The following GPM6A variants were observed in gnomAD, a reference collection of about 807,000 sequenced individuals.
GPM6A encodes neuronal membrane glycoprotein M6-a.
A neutral mutation model predicts 32.1 loss-of-function variants in GPM6A; 7 were observed. That is an observed-to-expected ratio of 0.22 (90% CI 0.12 to 0.41). GPM6A has a LOEUF of 0.41. GPM6A is among the 10% of genes least tolerant of loss of function. The pLI is 1.00. For synonymous variants in GPM6A, 130 were observed against 123.4 expected (o/e 1.05, Z -0.35); for missense variants, 235 against 347.2 (o/e 0.68, Z 2.57).
At position 175,711,433 on chromosome 4, in the gene GPM6A, TATATATATATATATATATATATATAC is replaced by T. The variant is rs1330823441; in HGVS notation, c.38-9692_38-9667del. Among the ~76,000 whole-genome samples the T allele has an allele frequency of 9.7e-3, 801 of 82,858 alleles. 36 individuals carry two copies. The highest frequency in any genetic ancestry group is 0.034 in the Middle Eastern group (7 of 208). The allele number at this position is 82,858 out of a possible 152,430, so 54.4% of individuals were successfully genotyped here. On this transcript the variant is annotated intron_variant, in intron 1 of 6. Transcript: ENST00000393658. Reference sequence around the variant, plus strand: ...AAATATATATATATATATATATATATATATATATATATATATATATATATACACACACATACATACATGTATATATA... The same window carrying T: ...AAATATATATATATATATATATATATACACACATACATACATGTATATATA...
chr4:175,746,425 T>C (rs1732106566), intron 1 of GPM6A, among the ~76,000 whole-genome samples: 2 of 152,306 alleles, frequency 1.3e-5, no homozygotes, highest in Admixed American at 1.3e-4. Context: ...CAAAATTATG[T>C]TCAATTATTC....
intron 2 of GPM6A, among the ~76,000 whole-genome samples, chr4:175,678,218 ATCT>A (rs886236322): frequency 5.9e-5 from 9 of 152,132 alleles, no homozygotes; most frequent in African/African-American, 1.9e-4. Flanking sequence ...AAGAGAAAGA[ATCT>A]TCTGGGAGTA....
intron 2 of GPM6A, among the ~76,000 whole-genome samples, chr4:175,689,052 C>T (rs181146365): frequency 2.5e-3 from 385 of 152,124 alleles, no homozygotes; most frequent in African/African-American, 8.8e-3. Flanking sequence ...ATAGGGATTA[C>T]GAACGCACTG....
chr4:175,909,112 GA>G (rs199707196), intron 1 of GPM6A, among the ~76,000 whole-genome samples: 67 of 143,836 alleles, frequency 4.7e-4, no homozygotes, highest in African/African-American at 1.5e-3. Context: ...GTAACTGAAA[GA>G]AAAAAAATGC....
chr4:175,807,579 A>G (rs1734743695), intron 1 of GPM6A: 1 of 152,240 alleles, frequency 6.6e-6, no homozygotes, highest in African/African-American at 2.4e-5. Context: ...AAGAAGGCCA[A>G]TTGAACCAAT....
intron 3 of GPM6A, among the ~76,000 whole-genome samples, chr4:175,656,065 C>A (rs1413107838): frequency 6.6e-6 from 1 of 152,032 alleles, no homozygotes; most frequent in Non-Finnish European, 1.5e-5. Context: ...AAGATAAGTT[C>A]TGTAGAAATT....
intron 1 of GPM6A, chr4:175,906,553 A>C (rs1738137019): frequency 6.6e-6 from 1 of 152,182 alleles, no homozygotes; most frequent in African/African-American, 2.4e-5. Context: ...ATTCAGACAC[A>C]CAGCTCTGTT....
At chr4:175,686,896 G>A (rs928682226) in intron 2 of GPM6A, among the ~76,000 whole-genome samples, 1 of 152,212 alleles carries the variant, frequency 6.6e-6, no homozygotes, top group Non-Finnish European at 1.5e-5. Flanking sequence ...CACACAAGTT[G>A]CTAGAGTATG....
At chr4:175,841,343 T>C (rs764196375) in intron 1 of GPM6A, among the ~76,000 whole-genome samples, 4 of 152,190 alleles carry the variant, frequency 2.6e-5, no homozygotes, top group Admixed American at 6.5e-5. Flanking sequence ...ATCTTTGTTT[T>C]TAGAACCAGG....
intron 1 of GPM6A, among the ~76,000 whole-genome samples, chr4:175,729,651 T>A (rs919245649): frequency 4.0e-5 from 6 of 151,650 alleles, no homozygotes; most frequent in Non-Finnish European, 7.4e-5. Context: ...ATACCCTACT[T>A]ACTTGATGTG....
At chr4:175,753,096 T>C (rs1732400448) in intron 1 of GPM6A, among the ~76,000 whole-genome samples, 2 of 152,184 alleles carry the variant, frequency 1.3e-5, no homozygotes, top group Admixed American at 1.3e-4. Flanking sequence ...TGCAACTTTA[T>C]CGTTTTGTCT....
chr4:175,998,279 G>T (rs1481382426), intron 1 of GPM6A, among the ~76,000 whole-genome samples: 1 of 151,874 alleles, frequency 6.6e-6, no homozygotes, highest in Non-Finnish European at 1.5e-5. Context: ...TCAGCTTCCC[G>T]AGTAGCTGGG....
chr4:175,767,721 C>T (rs569783997), intron 1 of GPM6A, among the ~76,000 whole-genome samples: 2 of 152,248 alleles, frequency 1.3e-5, no homozygotes, highest in East Asian at 3.9e-4. Context: ...GTCTGCATTC[C>T]ATTACTAGCT....
intron 1 of GPM6A, among the ~76,000 whole-genome samples, chr4:175,981,740 A>T (rs912447664): frequency 2.0e-5 from 3 of 152,122 alleles, no homozygotes; most frequent in African/African-American, 7.2e-5. Flanking sequence ...TCTCGGGTAA[A>T]TACATAAGGG....
chr4:175,952,774 G>A (rs1739858104), intron 1 of GPM6A, among the ~76,000 whole-genome samples: 1 of 152,052 alleles, frequency 6.6e-6, no homozygotes, highest in Non-Finnish European at 1.5e-5. Flanking sequence ...GTGGGGGCAT[G>A]GGAACTTGGG....
At position 175,990,756 on chromosome 4, in the gene GPM6A, T is replaced by C. The variant is rs138603398; in HGVS notation, c.-23+11553A>G. ...ATATGTGAATTATCATTGGAATTTTTAAATATTTGACATTTCTTGAGTTGA... is the reference window on the plus strand; with the variant it reads ...ATATGTGAATTATCATTGGAATTTTCAAATATTTGACATTTCTTGAGTTGA... On this transcript the variant is annotated intron_variant, in intron 1 of 7. Coordinates refer to the GPM6A transcript ENST00000280187. Among the ~76,000 whole-genome samples, 5 of 152,276 alleles carry C rather than the reference T, an allele frequency of 3.3e-5. No individual in the cohort carries two copies. The East Asian group carries it at 9.6e-4, about 29-fold the overall frequency.
chr4:175,807,771 C>T (rs1325149616), intron 1 of GPM6A, among the ~76,000 whole-genome samples: 1 of 152,126 alleles, frequency 6.6e-6, no homozygotes, highest in Non-Finnish European at 1.5e-5. Context: ...GTGGGGGAGG[C>T]AGTCCTTCGA....
chr4:175,994,839 C>T (rs995663610), intron 1 of GPM6A, among the ~76,000 whole-genome samples: 2 of 152,200 alleles, frequency 1.3e-5, no homozygotes, highest in East Asian at 3.9e-4. Flanking sequence ...GTAGAACTTT[C>T]AAAATTGGAG....
chr4:175,653,307 TAGC>T (rs1741907088), intron 3 of GPM6A, among the ~76,000 whole-genome samples: 1 of 152,108 alleles, frequency 6.6e-6, no homozygotes, highest in South Asian at 2.1e-4. Flanking sequence ...TTTTATTAAA[TAGC>T]AGTTACTAAA....
Sources: gnomAD v4.1 joint callset for allele counts (sites outside exome capture counted in the v4.1 genomes callset) on GRCh38, gnomAD v4.1.1 for gene constraint, MANE v1.5 for transcripts, NCBI Gene and HGNC (gene_info 2026-07-23, HGNC 2026-07-21) for gene names.